The following AGBL4 variants were observed in gnomAD, a reference collection of about 807,000 sequenced individuals.
AGBL4 encodes cytosolic carboxypeptidase 6.
AGBL4 carries 58 observed loss-of-function variants against 66.4 expected under a neutral mutation model. That is an observed-to-expected ratio of 0.87 (90% CI 0.71 to 1.09). The LOEUF is 1.09. AGBL4 is among the 50% of genes least tolerant of loss of function. The probability of loss-of-function intolerance (pLI) is 0.00; values close to 1 mark genes in which losing one functional copy is unlikely to be tolerated. For missense variants in AGBL4, 579 were observed against 631.0 expected, an observed-to-expected ratio of 0.92 and a Z score of 0.88; for synonymous variants, 234 against 222.9, an observed-to-expected ratio of 1.05 and a Z score of -0.44.
Position 49,130,032 on chromosome 1 carries a change from A to T in AGBL4, c.378-84232T>A, listed in dbSNP as rs1442322277. Among the ~76,000 whole-genome samples, 5 of 152,006 alleles carry T rather than the reference A, an allele frequency of 3.3e-5. No homozygotes were observed. The South Asian group carries it at 8.3e-4, about 25-fold the overall frequency. ...TAACTGGTGTGAGATGGTATCTCAT[A>T]GTGGTTTTGATTTGCATTTCTCTGA... On this transcript the variant is annotated intron_variant, in intron 4 of 13. Transcript: ENST00000371839.
chr1:49,330,073 T>C (rs562986986), intron 3 of AGBL4, among the ~76,000 whole-genome samples: 92 of 152,304 alleles, frequency 6.0e-4, no homozygotes, highest in African/African-American at 2.1e-3. Context: ...TTTATACTCA[T>C]TGTGATATTT....
At position 49,688,925 on chromosome 1, in the gene AGBL4, T is replaced by G. The variant is rs567511934; in HGVS notation, c.282+8388A>C. Among the ~76,000 whole-genome samples, 3 of 152,300 alleles carry G rather than the reference T, an allele frequency of 2.0e-5. No homozygotes were observed. The East Asian group carries it at 5.8e-4, about 29-fold the overall frequency. ...TTGCCCATTTTTAAATCATATTATT[T>G]GATTTTTTTCCTATTACTTGAGTTC... On this transcript the variant is annotated intron_variant, in intron 3 of 13. Transcript: ENST00000371839.
intron 3 of AGBL4, among the ~76,000 whole-genome samples, chr1:49,320,776 C>G (rs982224046): frequency 3.9e-5 from 6 of 152,140 alleles, no homozygotes; most frequent in African/African-American, 1.4e-4. Context: ...AAGATACTAC[C>G]TGAGACTGAG....
intron 6 of AGBL4, among the ~76,000 whole-genome samples, chr1:48,699,520 T>C (rs951428789): frequency 4.6e-5 from 7 of 152,218 alleles, no homozygotes; most frequent in Non-Finnish European, 8.8e-5. Context: ...TCTCTGGCCA[T>C]TGGAATCCAC....
At chr1:49,015,422 A>ATTTTT (rs549726675) in intron 5 of AGBL4, among the ~76,000 whole-genome samples, 1 of 128,638 alleles carries the variant, frequency 7.8e-6, no homozygotes, top group Non-Finnish European at 1.7e-5. Flanking sequence ...ATTTCAAGTA[A>ATTTTT]TTTTTTTTTT....
intron 3 of AGBL4, among the ~76,000 whole-genome samples, chr1:49,536,875 G>A (rs1651628701): frequency 6.6e-6 from 1 of 152,084 alleles, no homozygotes; most frequent in Admixed American, 6.6e-5. Flanking sequence ...CAGGCATGTG[G>A]TGGGCGCCTG....
chr1:48,713,953 G>T (rs1413509877), intron 6 of AGBL4, among the ~76,000 whole-genome samples: 1 of 152,150 alleles, frequency 6.6e-6, no homozygotes, highest in East Asian at 1.9e-4. Context: ...GAGGCCTAAG[G>T]ACACCAAATG....
intron 6 of AGBL4, among the ~76,000 whole-genome samples, chr1:48,704,863 A>G (rs1296014073): frequency 6.6e-6 from 1 of 152,240 alleles, no homozygotes; most frequent in Admixed American, 6.5e-5. Flanking sequence ...TACATAAGCC[A>G]ATCCCACAGT....
At chr1:49,440,541 A>C (rs1313569726) in intron 3 of AGBL4, among the ~76,000 whole-genome samples, 1 of 152,180 alleles carries the variant, frequency 6.6e-6, no homozygotes, top group Admixed American at 6.5e-5. Context: ...CAAGGAACAT[A>C]ATAAAGTTGG....
intron 3 of AGBL4, among the ~76,000 whole-genome samples, chr1:49,431,906 G>A (rs919448234): frequency 6.6e-6 from 1 of 152,124 alleles, no homozygotes; most frequent in Non-Finnish European, 1.5e-5. Context: ...TACTGACTGA[G>A]TGGTTAAGTT....
At chr1:49,838,378 G>A (rs774113201) in intron 2 of AGBL4, among the ~76,000 whole-genome samples, 17 of 152,208 alleles carry the variant, frequency 1.1e-4, no homozygotes, top group Admixed American at 3.9e-4. Flanking sequence ...ACACCTGCAA[G>A]AGGTTCCTCT....
At chr1:48,977,116 T>C (rs1659398222) in intron 5 of AGBL4, among the ~76,000 whole-genome samples, 3 of 152,038 alleles carry the variant, frequency 2.0e-5, no homozygotes, top group South Asian at 4.1e-4. Context: ...CTGGATAGTA[T>C]ATAGGAAGTA....
At chr1:49,390,534 A>T (rs896668763) in intron 3 of AGBL4, among the ~76,000 whole-genome samples, 1 of 152,226 alleles carries the variant, frequency 6.6e-6, no homozygotes, top group Non-Finnish European at 1.5e-5. Context: ...TGCTTTACAT[A>T]CTTGCATTGC....
intron 8 of AGBL4, among the ~76,000 whole-genome samples, chr1:48,644,806 T>G (rs376210271): frequency 6.6e-6 from 1 of 152,144 alleles, no homozygotes; most frequent in Non-Finnish European, 1.5e-5. Flanking sequence ...TGAGGGTCAA[T>G]GGGGAGCCGC....
intron 2 of AGBL4, among the ~76,000 whole-genome samples, chr1:49,795,325 A>G (rs1023970774): frequency 1.3e-5 from 2 of 152,086 alleles, no homozygotes; most frequent in African/African-American, 4.8e-5. Context: ...CAAATTTGCC[A>G]CTGCTTTACA....
intron 1 of AGBL4, among the ~76,000 whole-genome samples, chr1:49,929,959 T>A (rs1157005922): frequency 1.3e-5 from 2 of 151,918 alleles, no homozygotes; most frequent in Admixed American, 1.3e-4. Context: ...TTTTAAGAAA[T>A]CCATCACTAA....
chr1:49,302,699 G>A (rs1188664600), intron 3 of AGBL4, among the ~76,000 whole-genome samples: 2 of 136,678 alleles, frequency 1.5e-5, no homozygotes, highest in Non-Finnish European at 3.0e-5. Flanking sequence ...GATATGTGCA[G>A]GACATGCAGG....
intron 3 of AGBL4, among the ~76,000 whole-genome samples, chr1:49,279,250 C>T (rs533479071): frequency 1.3e-5 from 2 of 152,112 alleles, no homozygotes; most frequent in East Asian, 3.9e-4. Flanking sequence ...AAAGACAATG[C>T]CAACAGAGCA....
At chr1:48,561,430 G>C (rs1271823996) in intron 11 of AGBL4, among the ~76,000 whole-genome samples, 1 of 152,162 alleles carries the variant, frequency 6.6e-6, no homozygotes, top group African/African-American at 2.4e-5. Flanking sequence ...TGATCACACT[G>C]TCTGACCTGT....
Sources: gnomAD v4.1 joint callset for allele counts (sites outside exome capture counted in the v4.1 genomes callset) on GRCh38, gnomAD v4.1.1 for gene constraint, MANE v1.5 for transcripts, NCBI Gene and HGNC (gene_info 2026-07-23, HGNC 2026-07-21) for gene names.